CACNA1E: variants seen among roughly 807,000 people sequenced by gnomAD.
CACNA1E encodes voltage-dependent R-type calcium channel subunit alpha-1E.
Under a neutral mutation model 259.2 loss-of-function variants are expected in CACNA1E, and 40 were observed. That is an observed-to-expected ratio of 0.15 (90% CI 0.12 to 0.20). The LOEUF is 0.20. CACNA1E is among the 10% of genes least tolerant of loss of function. The pLI is 1.00. For missense variants in CACNA1E, 1,874 were observed against 3,040.1 expected, an observed-to-expected ratio of 0.62 and a Z score of 9.02; for synonymous variants, 1,104 against 1,138.5, an observed-to-expected ratio of 0.97 and a Z score of 0.61.
intron 1 of CACNA1E, among the ~76,000 whole-genome samples, chr1:181,371,303 C>T (rs959552448): frequency 6.6e-6 from 1 of 151,756 alleles, no homozygotes; most frequent in Admixed American, 6.6e-5. Context: ...TTGCCATTGC[C>T]CAAGCTGGAG....
At chr1:181,785,652 C>A in intron 42 of CACNA1E, 61 bp from the exon 43 acceptor site, 1 of 1,165,878 alleles carries the variant, frequency 8.6e-7, no homozygotes, top group Non-Finnish European at 1.3e-6. Context: ...ATTTTATTTT[C>A]CCCACAGCAA....
chr1:181,596,557 CGTGTGTGTGTGTGTGTGT>C (rs60302499), intron 6 of CACNA1E, among the ~76,000 whole-genome samples: 1 of 140,594 alleles, frequency 7.1e-6, no homozygotes, highest in Non-Finnish European at 1.5e-5. Flanking sequence ...CCACCATGTA[CGTGTGTGTGTGTGTGTGT>C]GTGTGTGTGT....
chr1:181,682,624 C>T (rs1000691715), intron 7 of CACNA1E, among the ~76,000 whole-genome samples: 6 of 152,158 alleles, frequency 3.9e-5, no homozygotes, highest in African/African-American at 7.2e-5. Flanking sequence ...CATATGGTTC[C>T]GCAGACTGTG....
chr1:181,419,039 C>A (rs1445371205), intron 2 of CACNA1E, among the ~76,000 whole-genome samples: 2 of 152,136 alleles, frequency 1.3e-5, no homozygotes, highest in Admixed American at 1.3e-4. Context: ...GCCTCCCTGC[C>A]TCTGCCCCTC....
intron 6 of CACNA1E, among the ~76,000 whole-genome samples, chr1:181,639,119 G>C (rs1199100682): frequency 6.6e-6 from 1 of 150,424 alleles, no homozygotes; most frequent in Non-Finnish European, 1.5e-5. Flanking sequence ...ATGGAGTCTC[G>C]CTATGTCTCC....
At chr1:181,442,615 C>A (rs1022345398) in intron 2 of CACNA1E, among the ~76,000 whole-genome samples, 9 of 152,322 alleles carry the variant, frequency 5.9e-5, no homozygotes, top group African/African-American at 2.2e-4. Context: ...CAGCCTATTG[C>A]CCAGATGGCA....
chr1:181,405,929 TG>T (rs1657433113), intron 1 of CACNA1E, among the ~76,000 whole-genome samples: 1 of 152,226 alleles, frequency 6.6e-6, no homozygotes, highest in Admixed American at 6.5e-5. Flanking sequence ...TGCCTGTTTT[TG>T]TAAATAAAAA....
At chr1:181,537,364 G>A (rs1668258194) in intron 3 of CACNA1E, among the ~76,000 whole-genome samples, 1 of 152,030 alleles carries the variant, frequency 6.6e-6, no homozygotes, top group African/African-American at 2.4e-5. Context: ...CTCCCAAAGT[G>A]CTGGGATTAC....
At chr1:181,736,153 C>T (rs1196363607) in intron 21 of CACNA1E, 122 bp from the exon 22 acceptor site, 3 of 1,189,924 alleles carry the variant, frequency 2.5e-6, no homozygotes, top group Non-Finnish European at 3.5e-6. Context: ...CTGCAGGGCA[C>T]CTTGTTAGGG....
At chr1:181,547,160 C>T (rs1647565371) in intron 3 of CACNA1E, among the ~76,000 whole-genome samples, 1 of 152,196 alleles carries the variant, frequency 6.6e-6, no homozygotes, top group South Asian at 2.1e-4. Flanking sequence ...CCCCCTCTGC[C>T]CTGTTCTCTG....
intron 1 of CACNA1E, among the ~76,000 whole-genome samples, chr1:181,491,388 G>A (rs1451617359): frequency 6.6e-6 from 1 of 152,200 alleles, no homozygotes. Context: ...TTCTGGTTCA[G>A]TAGGTCTGAA....
intron 1 of CACNA1E, among the ~76,000 whole-genome samples, chr1:181,505,680 T>C (rs1254003024): frequency 6.7e-6 from 1 of 149,320 alleles, no homozygotes; most frequent in Non-Finnish European, 1.5e-5. Context: ...GGCCTTCTCT[T>C]TTTTTTTTTA....
At chr1:181,781,573 AT>A in intron 39 of CACNA1E, 50 bp downstream of exon 39, 1 of 980,288 alleles carries the variant, frequency 1.0e-6, no homozygotes, top group Non-Finnish European at 1.6e-6. Context: ...AGGAAATGGG[AT>A]CTAGTTGTGG....
At chr1:181,619,287 G>A (rs1321260995) in intron 6 of CACNA1E, among the ~76,000 whole-genome samples, 2 of 151,524 alleles carry the variant, frequency 1.3e-5, no homozygotes, top group African/African-American at 2.4e-5. Context: ...CCTGAAGAAA[G>A]CTAGGGATTA....
chr1:181,787,104 G>C (rs1019793378), intron 43 of CACNA1E, among the ~76,000 whole-genome samples: 1 of 152,006 alleles, frequency 6.6e-6, no homozygotes, highest in African/African-American at 2.4e-5. Context: ...TTCACTGGAA[G>C]GGTTTACACT....
At chr1:181,328,086 GT>G (rs1650937090) in intron 1 of CACNA1E, among the ~76,000 whole-genome samples, 1 of 152,198 alleles carries the variant, frequency 6.6e-6, no homozygotes, top group Non-Finnish European at 1.5e-5. Context: ...TTGAGCTGCT[GT>G]AACACAACAC....
intron 3 of CACNA1E, among the ~76,000 whole-genome samples, chr1:181,535,293 C>T (rs1281115572): frequency 1.3e-5 from 2 of 152,008 alleles, no homozygotes; most frequent in Non-Finnish European, 2.9e-5. Flanking sequence ...AAATGTTTCC[C>T]CTCCCCCATT....
At chr1:181,449,898 T>C (rs1213896780) in intron 2 of CACNA1E, among the ~76,000 whole-genome samples, 2 of 152,112 alleles carry the variant, frequency 1.3e-5, no homozygotes, top group African/African-American at 4.8e-5. Context: ...TAAGGTATTA[T>C]AGGGGCACAG....
At chr1:181,383,239 T>C (rs1055697804) in intron 1 of CACNA1E, among the ~76,000 whole-genome samples, 5 of 152,256 alleles carry the variant, frequency 3.3e-5, no homozygotes, top group Non-Finnish European at 5.9e-5. Context: ...CTTTCACTTC[T>C]TTATTCCCCA....
Sources: gnomAD v4.1 joint callset for allele counts (sites outside exome capture counted in the v4.1 genomes callset) on GRCh38, gnomAD v4.1.1 for gene constraint, MANE v1.5 for transcripts, NCBI Gene and HGNC (gene_info 2026-07-23, HGNC 2026-07-21) for gene names.